LINGO1: variants seen among roughly 807,000 people sequenced by gnomAD.
LINGO1 encodes the protein leucine-rich repeat and immunoglobulin-like domain-containing nogo receptor-interacting protein 1.
Under a neutral mutation model 37.3 loss-of-function variants are expected in LINGO1, and 11 were observed. The ratio of observed to expected loss-of-function variants is 0.29; its 90% CI spans 0.19 to 0.49. The LOEUF (loss-of-function observed/expected upper bound fraction) is 0.49, where lower values mean the gene tolerates loss of function less well. Among genes scored for constraint, LINGO1 ranks in the 20% least tolerant of loss-of-function variants. The pLI, the probability that LINGO1 is intolerant of heterozygous loss-of-function variation, is 0.99. For missense variants in LINGO1, 585 were observed against 878.2 expected, an observed-to-expected ratio of 0.67 and a Z score of 4.22; for synonymous variants, 387 against 403.0, an observed-to-expected ratio of 0.96 and a Z score of 0.48.
chr15:77,801,492 C>T (rs1323627019), intron 1 of LINGO1, among the ~76,000 whole-genome samples: 5 of 152,210 alleles, frequency 3.3e-5, no homozygotes, highest in South Asian at 4.1e-4. Flanking sequence ...CAATCACCTC[C>T]GAGCAGTGGG....
intron 2 of LINGO1, among the ~76,000 whole-genome samples, chr15:77,680,891 A>G (rs538727114): frequency 6.6e-6 from 1 of 152,254 alleles, no homozygotes; most frequent in South Asian, 2.1e-4. Flanking sequence ...GGCAATTATC[A>G]CCTGAAATGT....
chr15:77,743,819 G>C (rs183462230), intron 1 of LINGO1, among the ~76,000 whole-genome samples: 1 of 152,094 alleles, frequency 6.6e-6, no homozygotes, highest in East Asian at 1.9e-4. Context: ...GCCAGACTGC[G>C]GGGGTGGGGG....
At chr15:77,666,108 CTGAA>C (rs372284101) in intron 3 of LINGO1, among the ~76,000 whole-genome samples, 131 of 152,284 alleles carry the variant, frequency 8.6e-4, no homozygotes, top group African/African-American at 1.9e-3. Flanking sequence ...CAAGTGTTGG[CTGAA>C]TGAATGAATG....
intron 1 of LINGO1, among the ~76,000 whole-genome samples, chr15:77,754,933 C>G (rs142050470): frequency 6.6e-6 from 1 of 152,256 alleles, no homozygotes; most frequent in Non-Finnish European, 1.5e-5. Context: ...CAGCTCCCAA[C>G]GCTGTTGTGA....
At chr15:77,709,435 C>A (rs1297178105) in intron 2 of LINGO1, among the ~76,000 whole-genome samples, 1 of 152,242 alleles carries the variant, frequency 6.6e-6, no homozygotes, top group Non-Finnish European at 1.5e-5. Flanking sequence ...AGGCCAAGAA[C>A]CTGCTCAAGA....
At chr15:77,662,406 C>A (rs554502731) in intron 3 of LINGO1, among the ~76,000 whole-genome samples, 1 of 152,122 alleles carries the variant, frequency 6.6e-6, no homozygotes, top group Non-Finnish European at 1.5e-5. Context: ...GGGCAGGAAA[C>A]CCTTTTCTAT....
At chr15:77,749,392 A>G (rs1299119275) in intron 1 of LINGO1, among the ~76,000 whole-genome samples, 1 of 152,144 alleles carries the variant, frequency 6.6e-6, no homozygotes, top group East Asian at 1.9e-4. Flanking sequence ...CACCAGCCCC[A>G]TCTCCAGGCC....
chr15:77,819,433 TGA>T (rs1156583726), intron 1 of LINGO1: 1 of 151,454 alleles, frequency 6.6e-6, no homozygotes, highest in Non-Finnish European at 1.5e-5. Flanking sequence ...TGTATGCGCG[TGA>T]GAGCGCGCAG....
intron 1 of LINGO1, among the ~76,000 whole-genome samples, chr15:77,796,743 G>A (rs935417321): frequency 1.4e-5 from 2 of 146,928 alleles, no homozygotes; most frequent in African/African-American, 2.5e-5. Flanking sequence ...GCAGAGTCTT[G>A]CTCTGCCACC....
upstream of LINGO1, among the ~76,000 whole-genome samples, chr15:77,633,616 G>A (rs1365768659): frequency 6.6e-6 from 1 of 152,192 alleles, no homozygotes; most frequent in African/African-American, 2.4e-5. Context: ...TCCAGCAGAG[G>A]GCGGCAGGCC....
chr15:77,774,978 G>C (rs1321986623), intron 1 of LINGO1, among the ~76,000 whole-genome samples: 2 of 152,200 alleles, frequency 1.3e-5, no homozygotes, highest in Non-Finnish European at 2.9e-5. Context: ...CAGCAAGTCA[G>C]AACCTGGCTG....
chr15:77,683,459 T>C (rs1169862079), intron 2 of LINGO1, among the ~76,000 whole-genome samples: 1 of 152,202 alleles, frequency 6.6e-6, no homozygotes, highest in Non-Finnish European at 1.5e-5. Context: ...GAAGACAATC[T>C]AAATATCCAT....
At chr15:77,748,908 T>C (rs546099108) in intron 1 of LINGO1, among the ~76,000 whole-genome samples, 23,127 of 113,502 alleles carry the variant, frequency 0.2, 2,535 homozygotes, top group Middle Eastern at 0.28. Flanking sequence ...TCCTTCCTTC[T>C]CTTTTTTTTT....
At chr15:77,687,261 C>T (rs551987563) in intron 2 of LINGO1, among the ~76,000 whole-genome samples, 3 of 152,150 alleles carry the variant, frequency 2.0e-5, no homozygotes, top group Non-Finnish European at 2.9e-5. Context: ...ACGCTCAGTG[C>T]GCAACTGAGG....
Position 77,614,073 on chromosome 15 carries a change from G to T in LINGO1, c.1834C>A (p.Pro612Thr). Residue 612 changes from proline to threonine, a missense_variant, in exon 2 of 2, where the codon CCC becomes ACC. Around this residue, in one of 4 missense-constraint regions of LINGO1, gnomAD observed 34 missense variants for 62.0 expected, o/e 0.55. Coordinates refer to ENST00000355300, the MANE Select transcript of LINGO1 (RefSeq NM_032808.7). ...ATCATCTTCATGTTGAACTTGCGGG[G>T]CGCGTCGGCGGAGCTGATGCCTGCG... ...SDAGISSADA[P>T]RKFNMKMI 2 of 1,606,390 alleles carry T rather than the reference G, an allele frequency of 1.2e-6. No homozygotes were observed. The highest frequency in any genetic ancestry group is 1.7e-5 in the Admixed American group (1 of 58,178).
Position 77,632,233 on chromosome 15 carries a change from C to G in LINGO1, c.6+77G>C. 7.7e-7 allele frequency: 1 copy of G among 1,298,964 alleles called. No individual in the cohort carries two copies. The highest frequency in any genetic ancestry group is 9.7e-7 in the Non-Finnish European group (1 of 1,025,748). The allele number at this position is 1,298,964 out of a possible 1,614,324, so 80.5% of individuals were successfully genotyped here. On this transcript the variant is annotated intron_variant, in intron 1 of 1. Coordinates refer to ENST00000355300, the MANE Select transcript of LINGO1 (RefSeq NM_032808.7). This position sits in a 1 kb window ranked among gnomAD's most constrained non-coding sequence, Gnocchi z 6.0. ...CCCTGCAACCCCAGGAGGGCGCAGC[C>G]AGGGCCGATGGCGGCCCCCAGGGGC...
intron 2 of LINGO1, among the ~76,000 whole-genome samples, chr15:77,720,381 T>A (rs2076036828): frequency 6.6e-6 from 1 of 152,240 alleles, no homozygotes; most frequent in Non-Finnish European, 1.5e-5. Context: ...CCCCTCTGCC[T>A]GCATCCGCCC....
In LINGO1 at chr15:77,632,062, T is replaced by A. The variant is rs1306224628; in HGVS notation, c.6+248A>T. Among the ~76,000 whole-genome samples, 1 of 152,126 alleles carries A rather than the reference T, an allele frequency of 6.6e-6. No individual in the cohort carries two copies. Among genetic ancestry groups the A allele is most frequent in the African/African-American group, 2.4e-5 (1 of 41,428 alleles). Reference sequence around the variant, plus strand: ...GGTCTGGGACACCCGTGGGGGCCCCTCCCCAGCTCCAGGCTCCCAGCTTAC... The same window carrying A: ...GGTCTGGGACACCCGTGGGGGCCCCACCCCAGCTCCAGGCTCCCAGCTTAC... On this transcript the variant is annotated intron_variant, in intron 1 of 1. Transcript: ENST00000355300. The surrounding 1 kb of genome is among the most constrained non-coding windows in gnomAD (Gnocchi z 6.0).
At chr15:77,624,124 G>A (rs1312842510) in intron 1 of LINGO1, among the ~76,000 whole-genome samples, 1 of 145,244 alleles carries the variant, frequency 6.9e-6, no homozygotes, top group African/African-American at 2.6e-5. Context: ...CGAGTAGTCT[G>A]TGTGTGTGGC....
Sources: gnomAD v4.1 joint callset for allele counts (sites outside exome capture counted in the v4.1 genomes callset) on GRCh38, gnomAD v4.1.1 for gene constraint, gnomAD v4.1.1 regional missense constraint, Gnocchi (gnomAD v3.1) non-coding constraint, MANE v1.5 for transcripts, NCBI Gene and HGNC (gene_info 2026-07-23, HGNC 2026-07-21) for gene names.